RHCE: variants seen among roughly 807,000 people sequenced by gnomAD.
RHCE encodes Rh blood group CcEe antigens, also known as blood group Rh(CE) polypeptide.
Under a neutral mutation model 43.8 loss-of-function variants are expected in RHCE, and 22 were observed. The ratio of observed to expected loss-of-function variants is 0.50; its 90% CI spans 0.36 to 0.72. The LOEUF is 0.72. Ranked by LOEUF, RHCE falls within the 30% of genes least tolerant of loss-of-function variation. The pLI, the probability that RHCE is intolerant of heterozygous loss-of-function variation, is 0.00. For missense variants in RHCE, 385 were observed against 525.4 expected, an observed-to-expected ratio of 0.73 and a Z score of 2.61; for synonymous variants, 156 against 210.7, an observed-to-expected ratio of 0.74 and a Z score of 2.25.
chr1:25,424,681 C>T (rs1203672203), upstream of RHCE, among the ~76,000 whole-genome samples: 3 of 151,920 alleles, frequency 2.0e-5, no homozygotes, highest in African/African-American at 7.3e-5. Flanking sequence ...AGCCACTGTG[C>T]CTGGCCTCTG....
At position 25,416,360 on chromosome 1, in the gene RHCE, T is replaced by C. The variant is rs186034879; in HGVS notation, c.148+4279A>G. Among the ~76,000 whole-genome samples the C allele has an allele frequency of 1.1e-3, 167 of 151,984 alleles. 1 individual carries two copies. The highest frequency in any genetic ancestry group is 6.2e-3 in the Admixed American group (94 of 15,236). ...CTCACTGAAAGCTCCGCCTCCTGGG[T>C]TCACGCCATTCTCCTGCCTCAGCCT... On this transcript the variant is annotated intron_variant, in intron 1 of 9. Transcript: ENST00000294413.
At chr1:25,421,926 G>A (rs570829951), upstream of RHCE, among the ~76,000 whole-genome samples, 15 of 152,316 alleles carry the variant, frequency 9.8e-5, no homozygotes, top group Non-Finnish European at 1.9e-4. Flanking sequence ...AGTGGAAGGT[G>A]GAAAGTGGAT....
intron 1 of RHCE, among the ~76,000 whole-genome samples, chr1:25,416,499 G>A (rs1647460660): frequency 6.6e-6 from 1 of 152,090 alleles, no homozygotes; most frequent in Non-Finnish European, 1.5e-5. Context: ...TCCAGACCTC[G>A]TGATCTGCCT....
intron 1 of RHCE, among the ~76,000 whole-genome samples, chr1:25,410,212 A>C (rs539560423): frequency 9.2e-5 from 14 of 152,056 alleles, no homozygotes; most frequent in South Asian, 8.3e-4. Context: ...CCAAGATTTA[A>C]ACCTAGATAA....
chr1:25,406,350 T>C (rs1216606319), intron 2 of RHCE, among the ~76,000 whole-genome samples: 1 of 121,516 alleles, frequency 8.2e-6, no homozygotes, highest in Non-Finnish European at 1.9e-5. Context: ...CCTCACTCTG[T>C]CGCCCAGGCT....
chr1:25,369,730 A>ATTTTTTTTT (rs3080376), intron 9 of RHCE, among the ~76,000 whole-genome samples: 2 of 95,472 alleles, frequency 2.1e-5, no homozygotes, highest in Non-Finnish European at 1.9e-5. Context: ...CACTGTAAGA[A>ATTTTTTTTT]TTTTTTTTTT....
At chr1:25,373,441 G>A (rs1455997089) in intron 8 of RHCE, among the ~76,000 whole-genome samples, 7 of 151,718 alleles carry the variant, frequency 4.6e-5, no homozygotes, top group South Asian at 2.1e-4. Flanking sequence ...CGAACTGAAC[G>A]TTAACTTACG....
chr1:25,392,078 C>T lies in RHCE; in HGVS notation c.550G>A (p.Ala184Thr), dbSNP rs1332589365. Residue 184 changes from alanine to threonine, a missense_variant, in exon 4 of 10, where the codon GCC becomes ACC. This residue lies in a region of RHCE where 110 missense variants were observed against 103.4 expected (regional missense o/e 1.06). Transcript: ENST00000294413. ...VFAAYFGLTV[A>T]WCLPKPLPKG... Reference sequence around the variant, plus strand: ...GGTAGAGGCTTTGGCAGGCACCAGGCCACAGTCAGCCCAAAATAGGCTGCG... The same window carrying T: ...GGTAGAGGCTTTGGCAGGCACCAGGTCACAGTCAGCCCAAAATAGGCTGCG... 3 of 1,614,148 alleles carry T rather than the reference C, an allele frequency of 1.9e-6. No individual in the cohort carries two copies. The highest frequency in any genetic ancestry group is 2.5e-6 in the Non-Finnish European group (3 of 1,180,028).
At chr1:25,423,682 C>T (rs572201970), upstream of RHCE, among the ~76,000 whole-genome samples, 106 of 152,298 alleles carry the variant, frequency 7.0e-4, no homozygotes, top group African/African-American at 2.2e-3. Context: ...CTACATTTCC[C>T]GATATTCTGT....
Position 25,370,721 on chromosome 1 carries a change from CTATTTTATTT to C in RHCE, c.1154-191_1154-182del, listed in dbSNP as rs71014358. Among the ~76,000 whole-genome samples the C allele has an allele frequency of 1.5e-3, 214 of 141,320 alleles. 4 individuals are homozygous for C. The highest frequency in any genetic ancestry group is 5.3e-3 in the East Asian group (26 of 4,880). The allele number at this position is 141,320 out of a possible 152,430, so 92.7% of individuals were successfully genotyped here. On this transcript the variant is annotated intron_variant, in intron 8 of 9. Coordinates refer to ENST00000294413, the MANE Select transcript of RHCE (RefSeq NM_020485.8). ...TCCTGGACCAGCTTAATTCTGTAGACTATTTTATTTTATTTTATTTTATTTTATTTTATTT... is the reference window on the plus strand; with the variant it reads ...TCCTGGACCAGCTTAATTCTGTAGACTATTTTATTTTATTTTATTTTATTT...
rs1207009455 is a variant in RHCE at position 25,412,721 on chromosome 1, A to AT, written c.149-3853_149-3852insA. ...CAGAGGGAGACCCTTTTTTTAAAAAAAAAAAAAAAAAAAAAAAAAAAGGCC... is the reference window on the plus strand; with the variant it reads ...CAGAGGGAGACCCTTTTTTTAAAAAATAAAAAAAAAAAAAAAAAAAAAGGCC... On this transcript the variant is annotated intron_variant, in intron 1 of 9. Coordinates refer to ENST00000294413, the MANE Select transcript of RHCE (RefSeq NM_020485.8). Among the ~76,000 whole-genome samples, 760 of 147,840 alleles carry AT rather than the reference A, an allele frequency of 5.1e-3. 9 individuals carry two copies. The highest frequency in any genetic ancestry group is 0.017 in the African/African-American group (695 of 39,888).
At chr1:25,416,738 T>G (rs1166777218) in intron 1 of RHCE, among the ~76,000 whole-genome samples, 1 of 150,372 alleles carries the variant, frequency 6.7e-6, no homozygotes, top group Non-Finnish European at 1.5e-5. Flanking sequence ...CACCTCAGCC[T>G]ACTGAGTAGC....
chr1:25,390,739 C>A lies in RHCE; in HGVS notation c.801+10G>T, dbSNP rs1427160818. The stretch of plus-strand genomic sequence containing the variant: ...ACCCAAGTGCTGCCCAAGGGCAGCG[C>A]CCTGCTCACCATGCTGATCTTCCTT... On this transcript the variant is annotated intron_variant, in intron 5 of 9. Transcript: ENST00000294413. The A allele has an allele frequency of 6.2e-7, 1 of 1,614,054 alleles. No homozygotes were observed. The highest frequency in any genetic ancestry group is 1.7e-5 in the Admixed American group (1 of 60,002).
chr1:25,381,265 A>T (rs1353561860), intron 7 of RHCE, among the ~76,000 whole-genome samples: 4 of 151,954 alleles, frequency 2.6e-5, no homozygotes, highest in African/African-American at 9.7e-5. Context: ...CCAGTTTCCA[A>T]CACGTGGTTC....
intron 3 of RHCE, among the ~76,000 whole-genome samples, chr1:25,393,913 CG>C (rs1447988722): frequency 6.6e-6 from 1 of 152,154 alleles, no homozygotes; most frequent in East Asian, 1.9e-4. Flanking sequence ...TGCAAGCAAT[CG>C]GGGTGCCTTG....
intron 1 of RHCE, among the ~76,000 whole-genome samples, chr1:25,412,578 G>A (rs1320260419): frequency 6.6e-6 from 1 of 152,030 alleles, no homozygotes; most frequent in African/African-American, 2.4e-5. Flanking sequence ...TGGGCGTGGT[G>A]GCAAGTGCCT....
chr1:25,403,046 C>T (rs1387040783), intron 2 of RHCE, among the ~76,000 whole-genome samples: 2 of 151,414 alleles, frequency 1.3e-5, no homozygotes, highest in Non-Finnish European at 3.0e-5. Context: ...TGAGGGTGAT[C>T]GGGGTGACTG....
At chr1:25,425,541 T>A (rs1046849807), upstream of RHCE, among the ~76,000 whole-genome samples, 26 of 152,126 alleles carry the variant, frequency 1.7e-4, no homozygotes, top group Non-Finnish European at 1.5e-4. Flanking sequence ...TCCTTATGAG[T>A]CAAGTAAGAT....
At chr1:25,414,686 A>G (rs1647243002) in intron 1 of RHCE, among the ~76,000 whole-genome samples, 1 of 152,160 alleles carries the variant, frequency 6.6e-6, no homozygotes, top group African/African-American at 2.4e-5. Context: ...AGGACCCAGG[A>G]TAGTCTCCCA....
Sources: allele counts gnomAD v4.1 joint callset (sites outside exome capture counted in the v4.1 genomes callset), GRCh38; gene constraint gnomAD v4.1.1; regional missense constraint gnomAD v4.1.1; transcripts MANE v1.5; gene names NCBI Gene and HGNC (gene_info 2026-07-23, HGNC 2026-07-21).